The following ERCC2 variants were observed in gnomAD, a reference collection of about 807,000 sequenced individuals.
ERCC2 encodes general transcription and DNA repair factor IIH helicase subunit XPD.
Under a neutral mutation model 99.4 loss-of-function variants are expected in ERCC2, and 90 were observed. The observed-to-expected ratio is 0.91, with a 90% CI of 0.76 to 1.08. ERCC2 has a LOEUF of 1.08. Among genes scored for constraint, ERCC2 ranks in the 50% least tolerant of loss-of-function variants. The pLI is 0.00. For synonymous variants in ERCC2, 497 were observed against 432.4 expected, an observed-to-expected ratio of 1.15 and a Z score of -1.85; for missense variants, 993 against 1,038.1, an observed-to-expected ratio of 0.96 and a Z score of 0.60.
Position 45,350,269 on chromosome 19 carries a change from A to G in ERCC2, c.*1360T>C, listed in dbSNP as rs1971664475. On this transcript the variant is annotated 3_prime_UTR_variant, in exon 23 of 23. Transcript: ENST00000391945. ...AGACCCCTGTCTCTACAAAAAAAAA[A>G]AAAAAGGCGGGACTGGATGCAGTGT... 8.1e-7 allele frequency: 1 copy of G among 1,233,898 alleles called. No homozygotes were observed. The highest frequency in any genetic ancestry group is 1.1e-6 in the Non-Finnish European group (1 of 871,496). 76.4% of individuals were successfully genotyped at this position (1,233,898 alleles called of 1,614,324 possible). A position where few individuals can be genotyped will look rare whatever the true frequency, so the allele number is the denominator to read the frequency against.
Position 45,365,120 on chromosome 19 carries a change from T to C in ERCC2, c.399A>G (p.Lys133=). Reference sequence around the variant, plus strand: ...CATAGGAGGCTGTGAGGCTGTGGCATTTCCCATCGACGTCCTTCCCAAAGC... The same window carrying C: ...CATAGGAGGCTGTGAGGCTGTGGCACTTCCCATCGACGTCCTTCCCAAAGC... The part of the protein sequence containing the change: ...PLRFGKDVDG[K]CHSLTASYVR... Residue 133 remains lysine, a synonymous_variant, in exon 6 of 23, where the codon AAA becomes AAG. Transcript: ENST00000391945. 3.1e-6 allele frequency: 5 copies of C among 1,614,166 alleles called. No homozygotes were observed. Among genetic ancestry groups the C allele is most frequent in the Non-Finnish European group, 4.2e-6 (5 of 1,180,020 alleles).
At chr19:45,359,115 C>T (rs981525711) in intron 12 of ERCC2, among the ~76,000 whole-genome samples, 4 of 151,932 alleles carry the variant, frequency 2.6e-5, no homozygotes, top group African/African-American at 9.7e-5. Context: ...ACAGAGGTGC[C>T]CAGAGGAGGG....
intron 11 of ERCC2, chr19:45,361,858 A>G: frequency 1.7e-6 from 1 of 577,918 alleles, no homozygotes; most frequent in South Asian, 1.8e-5. Context: ...AGACAGAGCA[A>G]TAATCAGACA....
rs769750286 is a variant in ERCC2, at chr19:45,364,880, C to T, written c.552G>A (p.Gly184=). ...IYNLDDLKAL[G]RRQGWCPYFL... ...AGTATGGGCACCAGCCCTGGCGCCG[C>T]CCCAGGGCCTTCAGGTCATCCAGGT... Residue 184 remains glycine, a synonymous_variant, in exon 7 of 23, where the codon GGG becomes GGA. Transcript: ENST00000391945. 6.2e-7 allele frequency: 1 copy of T among 1,614,116 alleles called. No homozygotes were observed. Among genetic ancestry groups the T allele is most frequent in the East Asian group, 2.2e-5 (1 of 44,868 alleles).
Position 45,350,568 on chromosome 19 carries a change from C to T in ERCC2, c.*1061G>A. Reference sequence around the variant, plus strand: ...GCAGAACAGGTGAGGATGGGCTGTGCTTCGGCTCCTGGGGTGGGCGTGGGG... The same window carrying T: ...GCAGAACAGGTGAGGATGGGCTGTGTTTCGGCTCCTGGGGTGGGCGTGGGG... On this transcript the variant is annotated 3_prime_UTR_variant, in exon 23 of 23. Coordinates refer to ENST00000391945, the MANE Select transcript of ERCC2 (RefSeq NM_000400.4). The T allele has an allele frequency of 1.2e-6, 2 of 1,613,982 alleles. No homozygotes were observed. Among genetic ancestry groups the T allele is most frequent in the Non-Finnish European group, 1.7e-6 (2 of 1,179,962 alleles).
intron 16 of ERCC2, among the ~76,000 whole-genome samples, 191 bp downstream of exon 16, chr19:45,355,474 A>C (rs1568534626): frequency 6.6e-6 from 1 of 152,246 alleles, no homozygotes; most frequent in East Asian, 1.9e-4. Context: ...CCAGCGGTGG[A>C]GGTTCCCAGG....
chr19:45,365,505 G>A (rs150319588), intron 5 of ERCC2, among the ~76,000 whole-genome samples: 82 of 152,328 alleles, frequency 5.4e-4, no homozygotes, highest in African/African-American at 1.9e-3. Context: ...CAGTTACTCG[G>A]GAGGCTGAGG....
Position 45,350,503 on chromosome 19 carries a change from T to C in ERCC2, c.*1126A>G. ...TGTCCCCATCTCAGTGTCCCCCATC[T>C]TTCCCCCTAGGTGCCCCCAACACAG... On this transcript the variant is annotated 3_prime_UTR_variant, in exon 23 of 23. Coordinates refer to ENST00000391945, the MANE Select transcript of ERCC2 (RefSeq NM_000400.4). 6.2e-7 allele frequency: 1 copy of C among 1,613,574 alleles called. No individual in the cohort carries two copies. The highest frequency in any genetic ancestry group is 2.2e-5 in the East Asian group (1 of 44,832).
Position 45,351,366 on chromosome 19 carries a change from G to A in ERCC2, c.*263C>T, listed in dbSNP as rs1971765724. ...ACCTGAGCCCCCACTAACGTCCAGTGAACTGCGCTGGCCGCAGCTTCTTGG... is the reference window on the plus strand; with the variant it reads ...ACCTGAGCCCCCACTAACGTCCAGTAAACTGCGCTGGCCGCAGCTTCTTGG... On this transcript the variant is annotated 3_prime_UTR_variant, in exon 23 of 23. Transcript: ENST00000391945. 4 of 1,609,690 alleles carry A rather than the reference G, an allele frequency of 2.5e-6. No homozygotes were observed. The highest frequency in any genetic ancestry group is 2.5e-6 in the Non-Finnish European group (3 of 1,179,990).
In ERCC2 at chr19:45,357,289, C is replaced by T. The variant is rs150865508; in HGVS notation, c.1460G>A (p.Arg487Gln). 67 of 1,613,684 alleles carry T rather than the reference C, an allele frequency of 4.2e-5. No homozygotes were observed. The highest frequency in any genetic ancestry group is 6.7e-5 in the African/African-American group (5 of 74,918). Residue 487 changes from arginine (R) to glutamine (Q), a missense_variant, in exon 15 of 23, where the codon CGG (arginine) becomes CAG (glutamine). By Grantham distance (43) the Arg-to-Gln change is conservative. Around this residue, in one of 3 missense-constraint regions of ERCC2, gnomAD observed 909 missense variants for 930.8 expected, o/e 0.98. Coordinates refer to ENST00000391945, the MANE Select transcript of ERCC2 (RefSeq NM_000400.4). ...TMATFTMTLA[R>Q]VCLCPMIIGR... is the part of the protein sequence containing the mutation. ...ACTCACCATAGGGCAGAGGCAGACCCGTGCCAGCGTCATGGTGAAGGTTGC... is the reference window on the plus strand; with the variant it reads ...ACTCACCATAGGGCAGAGGCAGACCTGTGCCAGCGTCATGGTGAAGGTTGC...
chr19:45,356,414 C>G (rs1163359557), intron 15 of ERCC2, among the ~76,000 whole-genome samples: 1 of 152,194 alleles, frequency 6.6e-6, no homozygotes, highest in East Asian at 1.9e-4. Flanking sequence ...TCTTTTACTG[C>G]CGAAATGGGA....
Position 45,351,181 on chromosome 19 carries a change from C to A in ERCC2, c.*448G>T. The A allele has an allele frequency of 6.3e-7, 1 of 1,584,586 alleles. No homozygotes were observed. Among genetic ancestry groups the A allele is most frequent in the East Asian group, 2.2e-5 (1 of 44,626 alleles). The stretch of plus-strand genomic sequence containing the variant: ...AGATGGGTTTTACTTGGGGTAGAGG[C>A]GAGGGGGTTGGATAGTTGGCTGCCA... On this transcript the variant is annotated 3_prime_UTR_variant, in exon 23 of 23. Coordinates refer to ENST00000391945, the MANE Select transcript of ERCC2 (RefSeq NM_000400.4).
Position 45,368,612 on chromosome 19 carries a change from G to T in ERCC2, c.360+18C>A. The T allele has an allele frequency of 6.5e-7, 1 of 1,530,116 alleles. No homozygotes were observed. The highest frequency in any genetic ancestry group is 9.1e-7 in the Non-Finnish European group (1 of 1,103,448). The allele number at this position is 1,530,116 out of a possible 1,614,324, so 94.8% of individuals were successfully genotyped here. A position where few individuals can be genotyped will look rare whatever the true frequency, so the allele number is the denominator to read the frequency against. On this transcript the variant is annotated intron_variant, in intron 5 of 22. Coordinates refer to ENST00000391945, the MANE Select transcript of ERCC2 (RefSeq NM_000400.4). ...TCTACCTCTGGGCTAAGGGCAAGGA[G>T]AAGGAACAGGTGCTCACCTCAGGGT...
intron 11 of ERCC2, 96 bp downstream of exon 11, chr19:45,363,647 C>G: frequency 1.5e-6 from 2 of 1,345,214 alleles, no homozygotes; most frequent in African/African-American, 1.4e-5. Flanking sequence ...ACTCCTGATG[C>G]TGCAGTGGTG....
intron 12 of ERCC2, among the ~76,000 whole-genome samples, chr19:45,359,962 A>T (rs1972154739): frequency 6.6e-6 from 1 of 151,430 alleles, no homozygotes; most frequent in African/African-American, 2.4e-5. Context: ...TTTAGTAGAG[A>T]CGGGGTTTCA....
chr19:45,366,467 G>C (rs1424487518), intron 5 of ERCC2, among the ~76,000 whole-genome samples: 3 of 152,132 alleles, frequency 2.0e-5, no homozygotes, highest in Non-Finnish European at 4.4e-5. Flanking sequence ...AAAACAATAA[G>C]CCTGAAAAAT....
At chr19:45,367,248 T>C (rs944356901) in intron 5 of ERCC2, among the ~76,000 whole-genome samples, 3 of 151,904 alleles carry the variant, frequency 2.0e-5, no homozygotes, top group African/African-American at 4.8e-5. Context: ...GGCAGGAGAA[T>C]TGCTTGAACC....
intron 1 of ERCC2, 94 bp downstream of exon 1, chr19:45,370,442 C>T: frequency 2.0e-6 from 3 of 1,484,044 alleles, no homozygotes; most frequent in Non-Finnish European, 2.7e-6. Context: ...ACCCTCCCCT[C>T]GCCCCCTTGG....
chr19:45,354,550 GTACTGGGGGC>G (rs1971945373), intron 17 of ERCC2, among the ~76,000 whole-genome samples, 170 bp downstream of exon 17: 1 of 152,184 alleles, frequency 6.6e-6, no homozygotes, highest in South Asian at 2.1e-4. Context: ...TCAGCCTGAT[GTACTGGGGGC>G]GGGGCATGGG....
Sources: gnomAD v4.1 joint callset for allele counts (sites outside exome capture counted in the v4.1 genomes callset) on GRCh38, gnomAD v4.1.1 for gene constraint, gnomAD v4.1.1 regional missense constraint, MANE v1.5 for transcripts, NCBI Gene and HGNC (gene_info 2026-07-23, HGNC 2026-07-21) for gene names.